CKAP2L: variants seen among roughly 807,000 people sequenced by gnomAD.
The protein encoded by CKAP2L is cytoskeleton-associated protein 2-like.
Under a neutral mutation model 65.7 loss-of-function variants are expected in CKAP2L, and 42 were observed. The ratio of observed to expected loss-of-function variants is 0.64; its 90% CI spans 0.50 to 0.83. The LOEUF (loss-of-function observed/expected upper bound fraction) is 0.83, where lower values mean the gene tolerates loss of function less well. Among genes scored for constraint, CKAP2L ranks in the 40% least tolerant of loss-of-function variants. CKAP2L has a pLI of 0.00. For missense variants in CKAP2L, 908 were observed against 871.0 expected (o/e 1.04, Z -0.53); for synonymous variants, 325 against 313.5 (o/e 1.04, Z -0.39).
At chr2:112,743,818 GA>G (rs924771590) in intron 6 of CKAP2L, among the ~76,000 whole-genome samples, 14 of 150,074 alleles carry the variant, frequency 9.3e-5, no homozygotes, top group Admixed American at 8.0e-4. Context: ...AACATACTTA[GA>G]AAAAAAAACC....
rs1360458163 is a variant in CKAP2L, at chr2:112,738,739, C to T, written c.*84G>A. Reference sequence around the variant, plus strand: ...CATAATCTGCATCCATGATGCCTCTCTTTTTTTCCAGGTCACTTGGACAAG... The same window carrying T: ...CATAATCTGCATCCATGATGCCTCTTTTTTTTTCCAGGTCACTTGGACAAG... On this transcript the variant is annotated 3_prime_UTR_variant, in exon 9 of 9. Transcript: ENST00000302450. 1.1e-5 allele frequency: 10 copies of T among 916,246 alleles called. No individual in the cohort carries two copies. Among genetic ancestry groups the T allele is most frequent in the East Asian group, 7.6e-5 (3 of 39,276 alleles). 56.8% of individuals were successfully genotyped at this position (916,246 alleles called of 1,614,324 possible).
In CKAP2L at chr2:112,736,389, TACA is replaced by T. The variant is rs1378400814; in HGVS notation, c.*2431_*2433del. Among the ~76,000 whole-genome samples the T allele has an allele frequency of 6.6e-6, 1 of 152,224 alleles. No homozygotes were observed. The highest frequency in any genetic ancestry group is 2.4e-5 in the African/African-American group (1 of 41,448). On this transcript the variant is annotated 3_prime_UTR_variant, in exon 9 of 9. Transcript: ENST00000302450. ...TATTTTATTAGGTATATTTAAGATT[TACA>T]ACATGATGTTATGGGATACATATAG... is the stretch of plus-strand genomic sequence containing the variant.
intron 5 of CKAP2L, among the ~76,000 whole-genome samples, chr2:112,749,807 T>C (rs138816157): frequency 1.1e-4 from 17 of 152,252 alleles, no homozygotes; most frequent in Middle Eastern, 3.4e-3. Context: ...TCTGTAAAAC[T>C]TTCTGCTGGG....
intron 4 of CKAP2L, 40 bp downstream of exon 4, chr2:112,755,937 T>C: frequency 4.0e-6 from 6 of 1,515,240 alleles, no homozygotes; most frequent in Non-Finnish European, 5.3e-6. Context: ...ATTTGCCTAA[T>C]CATCTTAAGT....
intron 7 of CKAP2L, among the ~76,000 whole-genome samples, chr2:112,741,483 T>C (rs923084819): frequency 1.3e-5 from 2 of 152,218 alleles, no homozygotes; most frequent in African/African-American, 2.4e-5. Context: ...ATAGTTTTCA[T>C]GGTAGCCCAA....
intron 5 of CKAP2L, among the ~76,000 whole-genome samples, chr2:112,746,919 C>G (rs1429147713): frequency 2.0e-5 from 3 of 151,954 alleles, no homozygotes; most frequent in Non-Finnish European, 4.4e-5. Flanking sequence ...TCCCCAGTAG[C>G]TGGGACTACA....
At chr2:112,748,459 C>CA (rs11395698) in intron 5 of CKAP2L, among the ~76,000 whole-genome samples, 144,703 of 152,306 alleles carry the variant, frequency 0.95, 68,758 homozygotes, top group East Asian at 1. Flanking sequence ...AGCATGAAGG[C>CA]AAATAACAAG....
intron 3 of CKAP2L, among the ~76,000 whole-genome samples, chr2:112,759,670 C>T (rs886290976): frequency 3.3e-5 from 5 of 152,152 alleles, no homozygotes; most frequent in African/African-American, 1.2e-4. Context: ...GCTTCCCAAA[C>T]GTTAAACCAT....
chr2:112,756,554 T>G lies in CKAP2L; in HGVS notation c.817A>C (p.Lys273Gln). 1 of 1,611,738 alleles carries G rather than the reference T, an allele frequency of 6.2e-7. No individual in the cohort carries two copies. The highest frequency in any genetic ancestry group is 8.5e-7 in the Non-Finnish European group (1 of 1,179,234). Residue 273 changes from lysine to glutamine, a missense_variant, in exon 4 of 9, where the codon AAA becomes CAA. Transcript: ENST00000302450. ...TGAGAGGGAACCGTCCTTGAGGGTT[T>G]TACTCCTGGTCTTGCAAGATCTGCT... is the stretch of plus-strand genomic sequence containing the variant. ...RGADLARPGV[K>Q]PSRTVPSHFI...
At chr2:112,761,059 T>C (rs1342227330) in intron 2 of CKAP2L, among the ~76,000 whole-genome samples, 3 of 151,934 alleles carry the variant, frequency 2.0e-5, no homozygotes, top group Admixed American at 2.0e-4. Context: ...GATATATGTG[T>C]TTCCTTCATA....
At chr2:112,752,163 T>G (rs1680389337) in intron 5 of CKAP2L, 104 bp downstream of exon 5, 3 of 780,068 alleles carry the variant, frequency 3.8e-6, no homozygotes, top group Non-Finnish European at 6.4e-6. Flanking sequence ...GTAGCTAAAT[T>G]TCTACTTAGA....
intron 1 of CKAP2L, 84 bp from the exon 2 acceptor site, chr2:112,762,653 T>A: frequency 1.7e-6 from 2 of 1,147,166 alleles, no homozygotes; most frequent in Non-Finnish European, 2.6e-6. Context: ...GATGACACTT[T>A]TCTCTAGTGA....
chr2:112,737,592 G>T lies in CKAP2L; in HGVS notation c.*1231C>A, dbSNP rs558395729. 1.3e-5 allele frequency: 2 copies of T among 152,094 alleles called. No individual in the cohort carries two copies. Among genetic ancestry groups the T allele is most frequent in the Non-Finnish European group, 2.9e-5 (2 of 68,030 alleles). The allele number at this position is 152,094 out of a possible 1,614,324, so 9.4% of individuals were successfully genotyped here. On this transcript the variant is annotated 3_prime_UTR_variant, in exon 9 of 9. Transcript: ENST00000302450. Reference sequence around the variant, plus strand: ...TTATTAGTTTTTCCACAATTGAGTTGTAAGAGTCTCTTATTGAAAGTCTGC... The same window carrying T: ...TTATTAGTTTTTCCACAATTGAGTTTTAAGAGTCTCTTATTGAAAGTCTGC...
chr2:112,743,563 G>A (rs1024649012), intron 6 of CKAP2L, among the ~76,000 whole-genome samples: 4 of 151,794 alleles, frequency 2.6e-5, no homozygotes, highest in Non-Finnish European at 4.4e-5. Flanking sequence ...TCAGCCTCCC[G>A]AAGAGCTGGG....
intron 3 of CKAP2L, among the ~76,000 whole-genome samples, chr2:112,757,888 C>A (rs1680593805): frequency 6.6e-6 from 1 of 152,166 alleles, no homozygotes; most frequent in Non-Finnish European, 1.5e-5. Context: ...ACATAATGAA[C>A]TTATGTTAGG....
chr2:112,751,148 C>A (rs1680361357), intron 5 of CKAP2L, among the ~76,000 whole-genome samples: 2 of 152,044 alleles, frequency 1.3e-5, no homozygotes, highest in South Asian at 4.1e-4. Flanking sequence ...TTTATCAAAC[C>A]TTCAAAAAAT....
At position 112,738,371 on chromosome 2, in the gene CKAP2L, T is replaced by C; in HGVS notation, c.*452A>G. On this transcript the variant is annotated 3_prime_UTR_variant, in exon 9 of 9. Transcript: ENST00000302450. ...ATAAACTCATCTGTAAAATGAGGGG[T>C]TTTGACTTGGCCATCTGTCAAGGTC... 1 of 161,450 alleles carries C rather than the reference T, an allele frequency of 6.2e-6. No individual in the cohort carries two copies. The highest frequency in any genetic ancestry group is 6.1e-5 in the Admixed American group (1 of 16,490). The allele number at this position is 161,450 out of a possible 1,614,324, so 10.0% of individuals were successfully genotyped here.
intron 6 of CKAP2L, among the ~76,000 whole-genome samples, chr2:112,745,041 C>T (rs1680161942): frequency 6.6e-6 from 1 of 152,056 alleles, no homozygotes; most frequent in Admixed American, 6.6e-5. Context: ...ATCCACCCAA[C>T]TTAAGAAGGA....
intron 3 of CKAP2L, among the ~76,000 whole-genome samples, chr2:112,759,924 A>T (rs1558763811): frequency 6.6e-6 from 1 of 152,022 alleles, no homozygotes; most frequent in Admixed American, 6.6e-5. Flanking sequence ...ATATATGCAT[A>T]TGCATATGAC....
Sources: gnomAD v4.1 joint callset for allele counts (sites outside exome capture counted in the v4.1 genomes callset) on GRCh38, gnomAD v4.1.1 for gene constraint, MANE v1.5 for transcripts, NCBI Gene and HGNC (gene_info 2026-07-23, HGNC 2026-07-21) for gene names.